KAZN: variants seen among roughly 807,000 people sequenced by gnomAD.
The protein encoded by KAZN is kazrin, periplakin interacting protein, also known as kazrin.
In KAZN, 40 loss-of-function variants were observed where a neutral mutation model predicts 87.4. The observed-to-expected ratio is 0.46, with a 90% confidence interval of 0.36 to 0.60. The LOEUF (loss-of-function observed/expected upper bound fraction) is 0.60. KAZN is among the 20% of genes least tolerant of loss of function. The pLI is 0.00. For synonymous variants in KAZN, 466 were observed against 458.3 expected, an observed-to-expected ratio of 1.02 and a Z score of -0.22; for missense variants, 898 against 1,073.9, an observed-to-expected ratio of 0.84 and a Z score of 2.29.
At chr1:14,602,815 A>G (rs1336101626) in intron 1 of KAZN, among the ~76,000 whole-genome samples, 2 of 152,250 alleles carry the variant, frequency 1.3e-5, no homozygotes, top group Non-Finnish European at 2.9e-5. Flanking sequence ...GCCTACTGTC[A>G]TTAGTTTTCT....
intron 2 of KAZN, among the ~76,000 whole-genome samples, chr1:14,192,278 G>T (rs1446846395): frequency 6.6e-6 from 1 of 152,058 alleles, no homozygotes; most frequent in Non-Finnish European, 1.5e-5. Flanking sequence ...GAATGATAGG[G>T]TACCCAAACC....
At chr1:14,164,462 G>A (rs998188715) in intron 1 of KAZN, among the ~76,000 whole-genome samples, 1 of 150,638 alleles carries the variant, frequency 6.6e-6, no homozygotes, top group Admixed American at 6.6e-5. Flanking sequence ...CTTTGTGTGT[G>A]TGTGTGTGTG....
intron 1 of KAZN, among the ~76,000 whole-genome samples, chr1:14,608,442 C>T (rs1677545673): frequency 1.3e-5 from 2 of 152,186 alleles, no homozygotes; most frequent in Non-Finnish European, 2.9e-5. Context: ...GGAGCCTTCA[C>T]AGATGTGCAT....
chr1:14,323,958 C>T (rs1656225788), intron 2 of KAZN, among the ~76,000 whole-genome samples: 1 of 152,140 alleles, frequency 6.6e-6, no homozygotes. Context: ...ATTCATGAGG[C>T]TCTGTATTTC....
rs922641881 is a variant in KAZN, at chr1:14,465,030, T to G, written c.250-133953T>G. Among the ~76,000 whole-genome samples the G allele has an allele frequency of 2.0e-5, 3 of 152,246 alleles. No individual in the cohort carries two copies. The East Asian group carries it at 5.8e-4, about 29-fold the overall frequency. ...ACAAGGAGGATTAGGTGAACATTTT[T>G]TCTGTCTCACACCATGTCTGCAGAG... is the stretch of plus-strand genomic sequence containing the variant. On this transcript the variant is annotated intron_variant, in intron 2 of 16. Coordinates refer to the KAZN transcript ENST00000636203.
At chr1:14,656,917 T>C (rs1457941571) in intron 1 of KAZN, among the ~76,000 whole-genome samples, 1 of 152,172 alleles carries the variant, frequency 6.6e-6, no homozygotes, top group Non-Finnish European at 1.5e-5. Flanking sequence ...AATCGTGCTA[T>C]TATCACCATT....
At chr1:14,388,268 C>T (rs1390793718) in intron 2 of KAZN, among the ~76,000 whole-genome samples, 1 of 152,202 alleles carries the variant, frequency 6.6e-6, no homozygotes, top group Non-Finnish European at 1.5e-5. Context: ...CAGAAATCAC[C>T]TGTCTTCTGC....
chr1:13,911,341 G>T (rs1277069612), intron 1 of KAZN, among the ~76,000 whole-genome samples: 1 of 152,122 alleles, frequency 6.6e-6, no homozygotes, highest in Admixed American at 6.5e-5. Flanking sequence ...GAGTCACTGT[G>T]CCTGGCTGGT....
chr1:14,036,769 T>TTTA (rs1205181017), intron 1 of KAZN, among the ~76,000 whole-genome samples: 1 of 151,850 alleles, frequency 6.6e-6, no homozygotes, highest in Non-Finnish European at 1.5e-5. Flanking sequence ...TATTTATTTA[T>TTTA]TTATTATTAT....
chr1:14,142,440 A>G (rs1172036727), intron 1 of KAZN, among the ~76,000 whole-genome samples: 1 of 152,186 alleles, frequency 6.6e-6, no homozygotes, highest in Non-Finnish European at 1.5e-5. Context: ...TATTGCACCT[A>G]CCTGGGCGAG....
intron 1 of KAZN, among the ~76,000 whole-genome samples, chr1:13,929,688 G>A (rs929208007): frequency 6.6e-6 from 1 of 152,184 alleles, no homozygotes; most frequent in Non-Finnish European, 1.5e-5. Flanking sequence ...GCCACAGGAG[G>A]GCGTGTGGTT....
intron 2 of KAZN, among the ~76,000 whole-genome samples, chr1:14,190,984 G>A (rs964598260): frequency 2.3e-4 from 35 of 152,204 alleles, no homozygotes; most frequent in South Asian, 4.1e-4. Flanking sequence ...AGGGGAGCTG[G>A]AAAGTGGTCT....
At chr1:14,082,677 A>G (rs186570254) in intron 1 of KAZN, among the ~76,000 whole-genome samples, 10 of 152,262 alleles carry the variant, frequency 6.6e-5, no homozygotes, top group South Asian at 6.2e-4. Context: ...CCGAACCTCC[A>G]TATGCCTGGA....
chr1:14,419,896 C>T (rs568679067), intron 2 of KAZN, among the ~76,000 whole-genome samples: 3 of 152,220 alleles, frequency 2.0e-5, no homozygotes, highest in African/African-American at 2.4e-5. Context: ...CCCCAAAGAG[C>T]GAGCAACAAT....
At chr1:14,167,820 G>T (rs1425443419) in intron 1 of KAZN, among the ~76,000 whole-genome samples, 1 of 152,174 alleles carries the variant, frequency 6.6e-6, no homozygotes, top group African/African-American at 2.4e-5. Flanking sequence ...CCTTGAGGTG[G>T]AGATAAAGAC....
At chr1:14,562,446 G>T (rs74616300) in intron 2 of KAZN, among the ~76,000 whole-genome samples, 2 of 152,160 alleles carry the variant, frequency 1.3e-5, no homozygotes, top group Admixed American at 1.3e-4. Context: ...GATTGGCTCC[G>T]AAAGACCCAT....
chr1:15,062,701 T>G (rs1638894184), intron 6 of KAZN: 1 of 152,260 alleles, frequency 6.6e-6, no homozygotes, highest in Non-Finnish European at 1.5e-5. Flanking sequence ...ACTGTTTTGA[T>G]CCAAAGGATC....
At chr1:14,280,230 C>T (rs1041891798) in intron 2 of KAZN, among the ~76,000 whole-genome samples, 3 of 151,890 alleles carry the variant, frequency 2.0e-5, no homozygotes, top group South Asian at 4.2e-4. Context: ...GAAGTGATGG[C>T]ACACCCCTGT....
At chr1:14,323,169 A>G (rs1320322489) in intron 2 of KAZN, among the ~76,000 whole-genome samples, 1 of 152,104 alleles carries the variant, frequency 6.6e-6, no homozygotes, top group African/African-American at 2.4e-5. Context: ...ACAATTCAAG[A>G]TGAGATTAGG....
Sources: allele counts gnomAD v4.1 joint callset (sites outside exome capture counted in the v4.1 genomes callset), GRCh38; gene constraint gnomAD v4.1.1; transcripts MANE v1.5; gene names NCBI Gene and HGNC (gene_info 2026-07-23, HGNC 2026-07-21).